Variants in DKK2 observed in about 807,000 individuals in gnomAD.
DKK2 encodes the protein dickkopf-related protein 2.
Under a neutral mutation model 28.1 loss-of-function variants are expected in DKK2, and 11 were observed. That is an observed-to-expected ratio of 0.39 (90% CI 0.25 to 0.65). The LOEUF (loss-of-function observed/expected upper bound fraction) is 0.65. DKK2 is among the 30% of genes least tolerant of loss of function. DKK2 has a pLI of 0.47. For missense variants in DKK2, 326 were observed against 335.5 expected (o/e 0.97, Z 0.22); for synonymous variants, 135 against 126.5 (o/e 1.07, Z -0.45).
intron 1 of DKK2, among the ~76,000 whole-genome samples, chr4:106,988,574 G>T (rs568607945): frequency 6.6e-6 from 1 of 152,060 alleles, no homozygotes; most frequent in East Asian, 1.9e-4. Flanking sequence ...AAATTAACGT[G>T]AGTTCAAGTA....
intron 1 of DKK2, among the ~76,000 whole-genome samples, chr4:106,938,509 G>C (rs1248283512): frequency 6.6e-6 from 1 of 152,204 alleles, no homozygotes; most frequent in African/African-American, 2.4e-5. Context: ...TCCAGGACCA[G>C]ATGGATTCAC....
chr4:106,953,242 G>A (rs1722513839), intron 1 of DKK2, among the ~76,000 whole-genome samples: 1 of 152,044 alleles, frequency 6.6e-6, no homozygotes, highest in Non-Finnish European at 1.5e-5. Flanking sequence ...GTTGTTACCG[G>A]GGCAACCAGC....
intron 1 of DKK2, among the ~76,000 whole-genome samples, chr4:106,992,406 C>A (rs1723217793): frequency 6.6e-6 from 1 of 152,148 alleles, no homozygotes; most frequent in Non-Finnish European, 1.5e-5. Context: ...TTCTTCATGC[C>A]TGGCTGCCCC....
intron 1 of DKK2, among the ~76,000 whole-genome samples, chr4:106,989,717 T>A (rs1445483745): frequency 6.6e-6 from 1 of 152,206 alleles, no homozygotes; most frequent in Non-Finnish European, 1.5e-5. Flanking sequence ...ATAAAATGAA[T>A]TAATCATAGT....
chr4:106,923,796 G>T lies in DKK2; in HGVS notation c.*158C>A. 9.9e-7 allele frequency: 1 copy of T among 1,006,198 alleles called. No homozygotes were observed. The highest frequency in any genetic ancestry group is 1.4e-6 in the Non-Finnish European group (1 of 700,620). 62.3% of individuals were successfully genotyped at this position (1,006,198 alleles called of 1,614,324 possible). On this transcript the variant is annotated 3_prime_UTR_variant, in exon 4 of 4. Coordinates refer to ENST00000285311, the MANE Select transcript of DKK2 (RefSeq NM_014421.3). ...TTTGTCACCCATTCTAATCTATTCA[G>T]TTCATGTTTTCTTTCTCCCTTTTTG...
At chr4:107,033,818 T>C (rs1348329556) in intron 1 of DKK2, among the ~76,000 whole-genome samples, 1 of 152,076 alleles carries the variant, frequency 6.6e-6, no homozygotes. Context: ...ATGACAGACT[T>C]CTAAGAAACT....
At chr4:106,957,450 A>ACACGTATGTTT (rs1449064676) in intron 1 of DKK2, among the ~76,000 whole-genome samples, 25 of 152,128 alleles carry the variant, frequency 1.6e-4, no homozygotes, top group Non-Finnish European at 2.6e-4. Flanking sequence ...AGACACAGGC[A>ACACGTATGTTT]CACGTATGTT....
chr4:106,969,836 T>C (rs987114056), intron 1 of DKK2, among the ~76,000 whole-genome samples: 1 of 152,068 alleles, frequency 6.6e-6, no homozygotes, highest in Non-Finnish European at 1.5e-5. Flanking sequence ...TATCTACCTA[T>C]CACCCTCATA....
intron 1 of DKK2, among the ~76,000 whole-genome samples, chr4:106,979,021 C>T (rs1006075471): frequency 2.0e-5 from 3 of 151,970 alleles, no homozygotes; most frequent in Admixed American, 6.6e-5. Flanking sequence ...AGGAGTTCCC[C>T]GACCTGTATT....
chr4:106,929,469 C>G (rs1439110422), intron 1 of DKK2, among the ~76,000 whole-genome samples: 2 of 152,140 alleles, frequency 1.3e-5, no homozygotes, highest in South Asian at 4.1e-4. Context: ...CAGAATCATT[C>G]ATTATTGCAT....
intron 1 of DKK2, among the ~76,000 whole-genome samples, chr4:106,969,892 C>A (rs1401850363): frequency 6.6e-6 from 1 of 152,004 alleles, no homozygotes; most frequent in South Asian, 2.1e-4. Flanking sequence ...CTTCCTACTC[C>A]AGGGGCATAA....
intron 1 of DKK2, among the ~76,000 whole-genome samples, chr4:106,974,209 G>C (rs973746423): frequency 1.3e-5 from 2 of 152,094 alleles, no homozygotes; most frequent in Admixed American, 6.6e-5. Flanking sequence ...GCTTAGGATT[G>C]TCTTGGCTAT....
At chr4:107,000,637 C>A (rs1295935472) in intron 1 of DKK2, among the ~76,000 whole-genome samples, 2 of 152,150 alleles carry the variant, frequency 1.3e-5, no homozygotes, top group Non-Finnish European at 2.9e-5. Context: ...TTCCAGATTT[C>A]CAAAGTTGTG....
intron 1 of DKK2, among the ~76,000 whole-genome samples, chr4:107,011,712 T>TGTGTGTGTGTGTGTGGGG (rs1040184955): frequency 1.3e-4 from 19 of 151,262 alleles, no homozygotes; most frequent in African/African-American, 4.4e-4. Context: ...TGTGTGTGTG[T>TGTGTGTGTGTGTGTGGGG]GGGTGTGTAT....
chr4:106,965,006 T>TAGATAGAC (rs61154775), intron 1 of DKK2, among the ~76,000 whole-genome samples: 1 of 125,196 alleles, frequency 8.0e-6, no homozygotes, highest in Non-Finnish European at 1.7e-5. Flanking sequence ...GATAGATAGA[T>TAGATAGAC]TGATTGATTC....
Position 106,969,558 on chromosome 4 carries a change from G to A in DKK2, c.223-43609C>T, listed in dbSNP as rs192664290. 5.3e-5 allele frequency among the ~76,000 whole-genome samples: 8 copies of A among 152,032 alleles called. No homozygotes were observed. The East Asian group carries it at 1.5e-3, about 29-fold the overall frequency. Reference sequence around the variant, plus strand: ...GAGGACAGTGTTTAAAAAAAGACAGGAGTGATATTCTTTTCCCCTGACATA... The same window carrying A: ...GAGGACAGTGTTTAAAAAAAGACAGAAGTGATATTCTTTTCCCCTGACATA... On this transcript the variant is annotated intron_variant, in intron 1 of 3. Coordinates refer to ENST00000285311, the MANE Select transcript of DKK2 (RefSeq NM_014421.3).
chr4:106,964,990 TA>T (rs1484613162), intron 1 of DKK2, among the ~76,000 whole-genome samples: 1 of 149,736 alleles, frequency 6.7e-6, no homozygotes, highest in African/African-American at 2.5e-5. Context: ...GATAGATAGA[TA>T]GATAGATAGA....
intron 1 of DKK2, among the ~76,000 whole-genome samples, chr4:106,963,238 AGC>A (rs979748802): frequency 1.3e-5 from 2 of 149,860 alleles, no homozygotes; most frequent in African/African-American, 4.9e-5. Flanking sequence ...CTGTAATCCC[AGC>A]TACTTGGGAG....
At chr4:106,958,284 A>G (rs75881072) in intron 1 of DKK2, among the ~76,000 whole-genome samples, 1 of 152,052 alleles carries the variant, frequency 6.6e-6, no homozygotes, top group African/African-American at 2.4e-5. Context: ...AGTCAAAACT[A>G]GATGCAAACC....
Sources: allele counts gnomAD v4.1 joint callset (sites outside exome capture counted in the v4.1 genomes callset), GRCh38; gene constraint gnomAD v4.1.1; transcripts MANE v1.5; gene names NCBI Gene and HGNC (gene_info 2026-07-23, HGNC 2026-07-21).